XRRA1: variants seen among roughly 807,000 people sequenced by gnomAD.
XRRA1 encodes the protein X-ray radiation resistance associated 1.
Under a neutral mutation model 80.2 loss-of-function variants are expected in XRRA1, and 69 were observed. That is an observed-to-expected ratio of 0.86 (90% CI 0.71 to 1.05). The LOEUF (loss-of-function observed/expected upper bound fraction) is 1.05. Ranked by LOEUF, XRRA1 falls within the 50% of genes least tolerant of loss-of-function variation. XRRA1 has a pLI of 0.00. For synonymous variants in XRRA1, 348 were observed against 389.9 expected (o/e 0.89, Z 1.27); for missense variants, 967 against 976.4 (o/e 0.99, Z 0.13).
intron 13 of XRRA1, among the ~76,000 whole-genome samples, chr11:74,851,607 A>G (rs927451601): frequency 6.6e-6 from 1 of 152,196 alleles, no homozygotes; most frequent in African/African-American, 2.4e-5. Context: ...CCCCTCTGCA[A>G]CTGGGAATTG....
At chr11:74,859,711 G>A (rs2041923773) in intron 11 of XRRA1, among the ~76,000 whole-genome samples, 1 of 152,098 alleles carries the variant, frequency 6.6e-6, no homozygotes, top group Admixed American at 6.5e-5. Context: ...TTTCTAGGGA[G>A]GAGAGGGAGA....
intron 10 of XRRA1, among the ~76,000 whole-genome samples, chr11:74,887,722 C>A (rs150011404): frequency 1.3e-5 from 2 of 152,272 alleles, no homozygotes; most frequent in South Asian, 4.2e-4. Context: ...TCACTCCCAC[C>A]CTAATACTGC....
At chr11:74,941,433 G>A (rs2139932344) in intron 2 of XRRA1, among the ~76,000 whole-genome samples, 1 of 152,310 alleles carries the variant, frequency 6.6e-6, no homozygotes, top group South Asian at 2.1e-4. Flanking sequence ...CTGATAGAGA[G>A]AAGGATAAAC....
At chr11:74,857,409 A>G (rs1438679880) in intron 12 of XRRA1, among the ~76,000 whole-genome samples, 1 of 152,236 alleles carries the variant, frequency 6.6e-6, no homozygotes, top group Non-Finnish European at 1.5e-5. Context: ...ATAATTTATA[A>G]AAGTATCCAT....
intron 1 of XRRA1, 142 bp downstream of exon 1, chr11:74,948,786 T>C (rs2140183175): frequency 6.5e-6 from 1 of 155,038 alleles, no homozygotes. Flanking sequence ...ACAGCTAAAA[T>C]GACAGCTGCT....
intron 16 of XRRA1, 132 bp from the exon 17 acceptor site, chr11:74,844,415 C>A: frequency 1.5e-6 from 1 of 669,042 alleles, no homozygotes. Context: ...AAAGAAAACA[C>A]TGCCCCCAGG....
intron 10 of XRRA1, among the ~76,000 whole-genome samples, chr11:74,900,134 CA>C (rs1260668844): frequency 1.3e-5 from 2 of 151,624 alleles, no homozygotes; most frequent in Non-Finnish European, 2.9e-5. Context: ...CACTGCACTC[CA>C]GCCTGGGCAA....
chr11:74,904,768 T>TA (rs1391836879), intron 10 of XRRA1, among the ~76,000 whole-genome samples: 1 of 150,750 alleles, frequency 6.6e-6, no homozygotes, highest in Non-Finnish European at 1.5e-5. Flanking sequence ...TCAAACAAAA[T>TA]AGAGGCCCAA....
intron 12 of XRRA1, among the ~76,000 whole-genome samples, chr11:74,855,401 T>C (rs2040852995): frequency 6.6e-6 from 1 of 152,118 alleles, no homozygotes; most frequent in Non-Finnish European, 1.5e-5. Flanking sequence ...TAAGAATTGA[T>C]AAAAAAATTG....
At chr11:74,895,222 C>T (rs772616761) in intron 10 of XRRA1, among the ~76,000 whole-genome samples, 33 of 152,208 alleles carry the variant, frequency 2.2e-4, no homozygotes, top group Admixed American at 1.5e-3. Context: ...CTGGCAGAAG[C>T]CATGTGGTGC....
At chr11:74,865,979 G>T (rs1457472723) in intron 10 of XRRA1, among the ~76,000 whole-genome samples, 3 of 152,204 alleles carry the variant, frequency 2.0e-5, no homozygotes, top group Non-Finnish European at 4.4e-5. Context: ...CTCAGGAAAT[G>T]TAACAGTCAG....
chr11:74,931,118 T>C (rs2139433270), intron 5 of XRRA1, among the ~76,000 whole-genome samples: 1 of 128,262 alleles, frequency 7.8e-6, no homozygotes, highest in Middle Eastern at 3.7e-3. Flanking sequence ...CCATATCTTT[T>C]TTTATGCTTA....
At chr11:74,906,127 G>A (rs1223719717) in intron 10 of XRRA1, 112 bp downstream of exon 10, 7 of 998,218 alleles carry the variant, frequency 7.0e-6, no homozygotes, top group African/African-American at 1.6e-5. Context: ...CAAAGAATCA[G>A]CAAATTCAAT....
intron 10 of XRRA1, among the ~76,000 whole-genome samples, chr11:74,886,063 TA>T (rs2048949616): frequency 6.6e-6 from 1 of 152,100 alleles, no homozygotes; most frequent in Non-Finnish European, 1.5e-5. Flanking sequence ...GAATAAACCT[TA>T]AAATAATAAG....
At chr11:74,901,333 A>T (rs11828317) in intron 10 of XRRA1, among the ~76,000 whole-genome samples, 3,592 of 152,310 alleles carry the variant, frequency 0.024, 118 homozygotes, top group African/African-American at 0.083. Context: ...CATGGATTGG[A>T]GGAATCAATA....
intron 7 of XRRA1, 147 bp downstream of exon 7, chr11:74,927,243 CA>C: frequency 2.6e-6 from 1 of 391,786 alleles, no homozygotes; most frequent in Non-Finnish European, 4.6e-6. Context: ...CCCCCACCCC[CA>C]CCCTCCCTGG....
At position 74,841,429 on chromosome 11, in the gene XRRA1, T is replaced by A. The variant is rs2036525677; in HGVS notation, c.*1771A>T. ...CTGAAGAAGATTGTAGAAAAGAGAC[T>A]AAGATATATGCAAGGGTCACCAGTT... On this transcript the variant is annotated 3_prime_UTR_variant, in exon 19 of 19. Coordinates refer to ENST00000684022, the MANE Select transcript of XRRA1 (RefSeq NM_001378157.1). 1 of 152,200 alleles carries A rather than the reference T, an allele frequency of 6.6e-6. No homozygotes were observed. Among genetic ancestry groups the A allele is most frequent in the Admixed American group, 6.5e-5 (1 of 15,284 alleles). The allele number at this position is 152,200 out of a possible 1,614,324, so 9.4% of individuals were successfully genotyped here. A position where few individuals can be genotyped will look rare whatever the true frequency, so the allele number is the denominator to read the frequency against.
Position 74,948,639 on chromosome 11 carries a change from A to C in XRRA1, c.-73+289T>G, listed in dbSNP as rs936995999. Among the ~76,000 whole-genome samples the C allele has an allele frequency of 3.3e-5, 5 of 152,230 alleles. No individual in the cohort carries two copies. The East Asian group carries it at 9.6e-4, about 29-fold the overall frequency. ...CTATCTGGCTTTGGGTAGGTTCTTT[A>C]GTTTCCTCCTCATCTAACAGGGCTG... On this transcript the variant is annotated intron_variant, in intron 1 of 18. Coordinates refer to ENST00000684022, the MANE Select transcript of XRRA1 (RefSeq NM_001378157.1).
At chr11:74,891,769 CAG>C (rs1296629907) in intron 10 of XRRA1, among the ~76,000 whole-genome samples, 8 of 152,128 alleles carry the variant, frequency 5.3e-5, no homozygotes, top group Non-Finnish European at 1.5e-5. Flanking sequence ...AACAGACAAA[CAG>C]AGAGCCAAAT....
Sources: allele counts gnomAD v4.1 joint callset (sites outside exome capture counted in the v4.1 genomes callset), GRCh38; gene constraint gnomAD v4.1.1; transcripts MANE v1.5; gene names NCBI Gene and HGNC (gene_info 2026-07-23, HGNC 2026-07-21).